Variants in ARHGAP32 observed in about 807,000 individuals in gnomAD.
ARHGAP32 encodes Rho GTPase activating protein 32.
Under a neutral mutation model 186.5 loss-of-function variants are expected in ARHGAP32, and 51 were observed. That is an observed-to-expected ratio of 0.27 (90% CI 0.22 to 0.35). The LOEUF (loss-of-function observed/expected upper bound fraction) is 0.35. Ranked by LOEUF, ARHGAP32 falls within the 10% of genes least tolerant of loss-of-function variation. The pLI is 1.00. For synonymous variants in ARHGAP32, 950 were observed against 964.3 expected (o/e 0.99, Z 0.27); for missense variants, 2,186 against 2,623.5 (o/e 0.83, Z 3.64).
At chr11:129,178,113 TG>T (rs1319501173) in intron 1 of ARHGAP32, among the ~76,000 whole-genome samples, 3 of 151,188 alleles carry the variant, frequency 2.0e-5, no homozygotes, top group Non-Finnish European at 4.4e-5. Context: ...ACAAAATCAA[TG>T]TACAAAAATC....
chr11:129,258,168 G>T (rs1476186343), intron 1 of ARHGAP32, among the ~76,000 whole-genome samples: 1 of 152,032 alleles, frequency 6.6e-6, no homozygotes, highest in Non-Finnish European at 1.5e-5. Context: ...GCTGTGCTAT[G>T]GTTTGTTTTT....
At chr11:129,246,657 G>A (rs771934049) in intron 1 of ARHGAP32, among the ~76,000 whole-genome samples, 2 of 152,200 alleles carry the variant, frequency 1.3e-5, no homozygotes, top group Non-Finnish European at 2.9e-5. Flanking sequence ...TCCCATAGCA[G>A]TAGACTATTT....
intron 11 of ARHGAP32, among the ~76,000 whole-genome samples, chr11:129,022,459 G>C (rs984003582): frequency 1.3e-5 from 2 of 152,056 alleles, no homozygotes; most frequent in African/African-American, 2.4e-5. Flanking sequence ...TAAAGAAATA[G>C]GCTTTGGAAT....
intron 1 of ARHGAP32, among the ~76,000 whole-genome samples, chr11:129,206,997 ATGTAGTG>A (rs1191942274): frequency 1.3e-5 from 2 of 152,060 alleles, no homozygotes; most frequent in African/African-American, 4.8e-5. Flanking sequence ...GAGTGAGAAC[ATGTAGTG>A]TTTGGTTTTC....
At chr11:129,265,124 C>T (rs1945378603) in intron 1 of ARHGAP32, among the ~76,000 whole-genome samples, 1 of 152,230 alleles carries the variant, frequency 6.6e-6, no homozygotes. Context: ...GCTCTACACT[C>T]ACTGTCAACC....
intron 1 of ARHGAP32, among the ~76,000 whole-genome samples, chr11:129,246,297 G>A (rs1020457396): frequency 2.6e-5 from 4 of 152,230 alleles, no homozygotes; most frequent in East Asian, 1.9e-4. Context: ...CAGAACTAAC[G>A]AAAGGTCAAA....
intron 1 of ARHGAP32, among the ~76,000 whole-genome samples, chr11:129,275,194 A>T (rs1945516554): frequency 1.3e-5 from 2 of 152,208 alleles, no homozygotes; most frequent in African/African-American, 4.8e-5. Context: ...TAACTCTATA[A>T]TCTGGAGGTG....
Position 128,980,789 on chromosome 11 carries a change from G to A in ARHGAP32, c.1781-41C>T, listed in dbSNP as rs141974101. 1.8e-4 allele frequency: 261 copies of A among 1,424,334 alleles called. 2 individuals carry two copies. The African/African-American group carries it at 3.1e-3, about 17-fold the overall frequency. The allele number at this position is 1,424,334 out of a possible 1,614,324, so 88.2% of individuals were successfully genotyped here. A position where few individuals can be genotyped will look rare whatever the true frequency, so the allele number is the denominator to read the frequency against. On this transcript the variant is annotated intron_variant, in intron 17 of 22. Coordinates refer to ENST00000682385, the MANE Select transcript of ARHGAP32 (RefSeq NM_001378024.1). ...GAAGCTGATGAAGAGAGTCAACTAC[G>A]TGAGTGTATTCAATTTGTTAGTATC...
At chr11:129,206,558 A>G (rs1376758167) in intron 1 of ARHGAP32, among the ~76,000 whole-genome samples, 10 of 152,108 alleles carry the variant, frequency 6.6e-5, no homozygotes, top group Admixed American at 6.6e-4. Context: ...TGAATCAGAA[A>G]GTCCACACAT....
At chr11:129,179,001 C>T in intron 1 of ARHGAP32, among the ~76,000 whole-genome samples, 1 of 151,578 alleles carries the variant, frequency 6.6e-6, no homozygotes, top group East Asian at 1.9e-4. Flanking sequence ...TCAGAGTGAA[C>T]AGGCAACCTA....
chr11:129,043,462 C>CTG (rs1372764663), intron 10 of ARHGAP32, among the ~76,000 whole-genome samples: 45 of 146,688 alleles, frequency 3.1e-4, no homozygotes, highest in African/African-American at 9.8e-4. Flanking sequence ...CCTCGGCTCA[C>CTG]TGTAACCTCC....
chr11:129,186,432 A>G (rs1366502116), intron 1 of ARHGAP32, among the ~76,000 whole-genome samples: 1 of 152,192 alleles, frequency 6.6e-6, no homozygotes, highest in Non-Finnish European at 1.5e-5. Flanking sequence ...ATTACTGCCT[A>G]AAATGTTCTG....
At chr11:128,971,368 C>A (rs1170800122) in intron 22 of ARHGAP32, 2 of 497,572 alleles carry the variant, frequency 4.0e-6, no homozygotes, top group East Asian at 3.1e-5. Context: ...TTTGGAGAAC[C>A]ATTCAAAGTT....
chr11:129,080,181 C>T (rs541144250), intron 6 of ARHGAP32, among the ~76,000 whole-genome samples: 1 of 152,154 alleles, frequency 6.6e-6, no homozygotes, highest in Admixed American at 6.5e-5. Flanking sequence ...CCTGACAGCA[C>T]TAAATAGGTC....
At chr11:129,189,628 C>A (rs919739144) in intron 1 of ARHGAP32, among the ~76,000 whole-genome samples, 2 of 151,958 alleles carry the variant, frequency 1.3e-5, no homozygotes, top group African/African-American at 4.8e-5. Context: ...GTAATAATAC[C>A]GACTACAAAT....
intron 1 of ARHGAP32, among the ~76,000 whole-genome samples, chr11:129,208,777 A>C (rs1039448052): frequency 1.3e-5 from 2 of 151,974 alleles, no homozygotes; most frequent in African/African-American, 4.8e-5. Context: ...CCTTAAACTA[A>C]TATCGCAGTT....
chr11:129,091,151 T>C (rs1406127195), intron 6 of ARHGAP32, among the ~76,000 whole-genome samples: 2 of 152,118 alleles, frequency 1.3e-5, no homozygotes, highest in Non-Finnish European at 2.9e-5. Context: ...AAAAAGCATT[T>C]TATCCATGGC....
At chr11:128,990,272 AG>A (rs995175562) in intron 12 of ARHGAP32, among the ~76,000 whole-genome samples, 18 of 152,230 alleles carry the variant, frequency 1.2e-4, no homozygotes, top group African/African-American at 4.1e-4. Flanking sequence ...ATGTGCTCAT[AG>A]AAAAATATTT....
At chr11:129,141,915 G>A (rs541565873) in intron 2 of ARHGAP32, among the ~76,000 whole-genome samples, 2 of 151,972 alleles carry the variant, frequency 1.3e-5, no homozygotes, top group African/African-American at 2.4e-5. Flanking sequence ...CCTCCTCTGC[G>A]TATTACTTAC....
Sources: gnomAD v4.1 joint callset for allele counts (sites outside exome capture counted in the v4.1 genomes callset) on GRCh38, gnomAD v4.1.1 for gene constraint, MANE v1.5 for transcripts, NCBI Gene and HGNC (gene_info 2026-07-23, HGNC 2026-07-21) for gene names.